The following EIF3F variants were observed in gnomAD, a reference collection of about 807,000 sequenced individuals.
EIF3F encodes eukaryotic translation initiation factor 3 subunit F, also known as deubiquitinating enzyme eIF3f.
Under a neutral mutation model 36.0 loss-of-function variants are expected in EIF3F, and 8 were observed. The observed-to-expected ratio is 0.22, with a 90% CI of 0.13 to 0.40. The LOEUF (loss-of-function observed/expected upper bound fraction) is 0.40, where lower values mean the gene tolerates loss of function less well. Ranked by LOEUF, EIF3F falls within the 10% of genes least tolerant of loss-of-function variation. EIF3F has a pLI of 1.00. For missense variants in EIF3F, 430 were observed against 467.6 expected (o/e 0.92, Z 0.74); for synonymous variants, 184 against 188.5 (o/e 0.98, Z 0.19).
chr11:7,993,179 GAAAC>G (rs1942117667), intron 4 of EIF3F, among the ~76,000 whole-genome samples, 155 bp downstream of exon 4: 1 of 152,018 alleles, frequency 6.6e-6, no homozygotes, highest in Admixed American at 6.6e-5. Flanking sequence ...GTTTCACTCT[GAAAC>G]AAAATCTGTT....
At position 8,001,532 on chromosome 11, in the gene EIF3F, A is replaced by G. The variant is rs912099821; in HGVS notation, c.*5510A>G. ...ACAAAGTATGATATATCCATAAAAC[A>G]CAATACTATGCAGCTGTTAAGCAGA... On this transcript the variant is annotated 3_prime_UTR_variant, in exon 8 of 8. Transcript: ENST00000651655. The G allele has an allele frequency of 3.3e-5, 5 of 152,234 alleles. No individual in the cohort carries two copies. The highest frequency in any genetic ancestry group is 7.3e-5 in the Non-Finnish European group (5 of 68,050). The allele number at this position is 152,234 out of a possible 1,614,324, so 9.4% of individuals were successfully genotyped here.
At chr11:7,991,987 G>T in intron 2 of EIF3F, 97 bp from the exon 3 acceptor site, 1 of 1,485,158 alleles carries the variant, frequency 6.7e-7, no homozygotes, top group Non-Finnish European at 9.4e-7. Context: ...TACTTCCTGG[G>T]CCTCTTCTGT....
chr11:8,000,363 C>T lies in EIF3F; in HGVS notation c.*4341C>T, dbSNP rs184041100. On this transcript the variant is annotated 3_prime_UTR_variant, in exon 8 of 8. Transcript: ENST00000651655. ...ATATGGAATCACAAAATTGAACTCA[C>T]AAGCAGAGTGTAGAAAGGTGGTTTC... The T allele has an allele frequency of 4.6e-5, 7 of 152,244 alleles. No individual in the cohort carries two copies. Among genetic ancestry groups the T allele is most frequent in the African/African-American group, 1.7e-4 (7 of 41,540 alleles). The allele number at this position is 152,244 out of a possible 1,614,324, so 9.4% of individuals were successfully genotyped here.
chr11:7,995,676 C>A, intron 7 of EIF3F: 1 of 583,158 alleles, frequency 1.7e-6, no homozygotes, highest in Admixed American at 3.1e-5. Context: ...ACTTATTTCC[C>A]CCATCTGAGT....
At chr11:7,993,899 A>G (rs927632288) in intron 4 of EIF3F, among the ~76,000 whole-genome samples, 1 of 152,122 alleles carries the variant, frequency 6.6e-6, no homozygotes, top group African/African-American at 2.4e-5. Context: ...ATATGTATAT[A>G]TATGTAGATA....
chr11:7,989,451 C>G (rs763117229), intron 1 of EIF3F, among the ~76,000 whole-genome samples: 3 of 152,176 alleles, frequency 2.0e-5, no homozygotes, highest in African/African-American at 4.8e-5. Context: ...GCAATACTTA[C>G]AGAAGAATAA....
chr11:7,996,311 G>T lies in EIF3F; in HGVS notation c.*289G>T. ...ACTGTTTTACCAAACTGTTCTTTTGGTTTTCAATATGGAAAGGTGTCCATT... is the reference window on the plus strand; with the variant it reads ...ACTGTTTTACCAAACTGTTCTTTTGTTTTTCAATATGGAAAGGTGTCCATT... On this transcript the variant is annotated 3_prime_UTR_variant, in exon 8 of 8. Transcript: ENST00000651655. 1 of 268,564 alleles carries T rather than the reference G, an allele frequency of 3.7e-6. No individual in the cohort carries two copies. The highest frequency in any genetic ancestry group is 7.0e-6 in the Non-Finnish European group (1 of 142,458). 16.6% of individuals were successfully genotyped at this position (268,564 alleles called of 1,614,324 possible). A position where few individuals can be genotyped will look rare whatever the true frequency, so the allele number is the denominator to read the frequency against.
chr11:7,991,898 T>G lies in EIF3F; in HGVS notation c.435+47T>G, dbSNP rs115511435. On this transcript the variant is annotated intron_variant, in intron 2 of 7. Coordinates refer to ENST00000651655, the MANE Select transcript of EIF3F (RefSeq NM_003754.3). ...CCCTCTGCAGTTTTTAGCTGTTCAT[T>G]TGCTCGGCTCCCCTCACGGTCCCTC... 4.4e-4 allele frequency: 712 copies of G among 1,606,772 alleles called. 2 individuals are homozygous for G. The African/African-American group carries it at 9.0e-3, about 20-fold the overall frequency.
At position 7,997,654 on chromosome 11, in the gene EIF3F, A is replaced by G. The variant is rs899901832; in HGVS notation, c.*1632A>G. ...AGTTGTCCTGCAGCTGTGAGTAACA[A>G]TATAGGTGAATGTTAATAATAATGT... On this transcript the variant is annotated 3_prime_UTR_variant, in exon 8 of 8. Transcript: ENST00000651655. The G allele has an allele frequency of 5.3e-5, 8 of 152,214 alleles. No individual in the cohort carries two copies. The highest frequency in any genetic ancestry group is 1.2e-4 in the African/African-American group (5 of 41,448). The allele number at this position is 152,214 out of a possible 1,614,324, so 9.4% of individuals were successfully genotyped here. A position where few individuals can be genotyped will look rare whatever the true frequency, so the allele number is the denominator to read the frequency against.
rs767455275 is a variant in EIF3F at position 7,995,973 on chromosome 11, A to G, written c.1025A>G (p.Asn342Ser). 7 of 1,613,752 alleles carry G rather than the reference A, an allele frequency of 4.3e-6. No individual in the cohort carries two copies. The highest frequency in any genetic ancestry group is 1.7e-5 in the Admixed American group (1 of 59,986). Residue 342 changes from asparagine (N) to serine (S), a missense_variant, in exon 8 of 8, where the codon AAC becomes AGC. Physicochemically the swap from Asn to Ser is conservative, Grantham distance 46. This residue lies in a region of EIF3F where 262 missense variants were observed against 347.4 expected (regional missense o/e 0.75). Transcript: ENST00000651655. ...NDLLMVTYLA[N>S]LTQSQIALNE... ...CTTTTGATGGTGACCTACCTGGCCA[A>G]CCTCACACAGTCACAGATTGCACTC...
rs760545005 is a variant in EIF3F, at chr11:7,994,463, A to T, written c.691A>T (p.Met231Leu). The T allele has an allele frequency of 2.5e-6, 4 of 1,614,072 alleles. No homozygotes were observed. The highest frequency in any genetic ancestry group is 3.4e-6 in the Non-Finnish European group (4 of 1,179,990). The change falls in exon 5 of 8, where the codon ATG (methionine) becomes TTG (leucine). Residue 231 changes from methionine (M) to leucine (L), a missense_variant. Transcript: ENST00000651655. ...MGVPGRTMGV[M>L]FTPLTVKYAY... ...AGTCCCTGGGAGGACCATGGGAGTG[A>T]TGTTCACGCCTCTGACAGTGAAATA...
At chr11:7,995,804 G>T in intron 7 of EIF3F, 141 bp from the exon 8 acceptor site, 2 of 722,430 alleles carry the variant, frequency 2.8e-6, no homozygotes, top group Admixed American at 2.1e-5. Context: ...CTACCTTTTT[G>T]ACTTTTATTC....
intron 1 of EIF3F, among the ~76,000 whole-genome samples, chr11:7,988,789 T>C (rs1942057542): frequency 6.6e-6 from 1 of 152,228 alleles, no homozygotes; most frequent in African/African-American, 2.4e-5. Context: ...ATCTGTTCTG[T>C]CAGGAGCTAC....
intron 3 of EIF3F, chr11:7,992,591 A>G (rs3892448): frequency 0.16 from 75,494 of 462,420 alleles, 7,215 homozygotes; most frequent in African/African-American, 0.3. Context: ...AAACAAAAGG[A>G]AAGTGTGTTA....
At chr11:7,994,708 AG>A (rs1168349576) in intron 5 of EIF3F, 191 bp downstream of exon 5, 1 of 692,992 alleles carries the variant, frequency 1.4e-6, no homozygotes, top group Non-Finnish European at 2.4e-6. Context: ...AAACTGTTAA[AG>A]GTGGGAAATG....
At position 7,997,383 on chromosome 11, in the gene EIF3F, A is replaced by G. The variant is rs1200944345; in HGVS notation, c.*1361A>G. The G allele has an allele frequency of 6.6e-6, 1 of 152,228 alleles. No individual in the cohort carries two copies. Among genetic ancestry groups the G allele is most frequent in the Non-Finnish European group, 1.5e-5 (1 of 68,042 alleles). 9.4% of individuals were successfully genotyped at this position (152,228 alleles called of 1,614,324 possible). A position where few individuals can be genotyped will look rare whatever the true frequency, so the allele number is the denominator to read the frequency against. On this transcript the variant is annotated 3_prime_UTR_variant, in exon 8 of 8. Coordinates refer to ENST00000651655, the MANE Select transcript of EIF3F (RefSeq NM_003754.3). Reference sequence around the variant, plus strand: ...TAAAATTCCGAGGTTAATTGCTAGAAGTATATATAATCTCTCAATGAATAG... The same window carrying G: ...TAAAATTCCGAGGTTAATTGCTAGAGGTATATATAATCTCTCAATGAATAG...
intron 7 of EIF3F, chr11:7,995,622 A>G: frequency 1.7e-6 from 1 of 583,602 alleles, no homozygotes; most frequent in East Asian, 2.8e-5. Context: ...TAAATTCGTG[A>G]TGGAAAGAAA....
In EIF3F at chr11:7,996,923, A is replaced by G. The variant is rs1312500085; in HGVS notation, c.*901A>G. 3 of 152,246 alleles carry G rather than the reference A, an allele frequency of 2.0e-5. No homozygotes were observed. Among genetic ancestry groups the G allele is most frequent in the African/African-American group, 7.2e-5 (3 of 41,468 alleles). The allele number at this position is 152,246 out of a possible 1,614,324, so 9.4% of individuals were successfully genotyped here. A position where few individuals can be genotyped will look rare whatever the true frequency, so the allele number is the denominator to read the frequency against. ...GAGTCATAAGATATGGATCATAAAC[A>G]TACATAGTCCATTAGGGTATTATGA... On this transcript the variant is annotated 3_prime_UTR_variant, in exon 8 of 8. Transcript: ENST00000651655.
rs1942200874 is a variant in EIF3F, at chr11:7,999,883, A to G, written c.*3861A>G. 1 of 152,268 alleles carries G rather than the reference A, an allele frequency of 6.6e-6. No individual in the cohort carries two copies. Among genetic ancestry groups the G allele is most frequent in the African/African-American group, 2.4e-5 (1 of 41,464 alleles). 9.4% of individuals were successfully genotyped at this position (152,268 alleles called of 1,614,324 possible). ...ACTGAAGCATTGTTCACAATCGCCA[A>G]GACATCAACCTAAGTGTCCATCAAC... is the stretch of plus-strand genomic sequence containing the variant. On this transcript the variant is annotated 3_prime_UTR_variant, in exon 8 of 8. Coordinates refer to ENST00000651655, the MANE Select transcript of EIF3F (RefSeq NM_003754.3).
Sources: gnomAD v4.1 joint callset for allele counts (sites outside exome capture counted in the v4.1 genomes callset) on GRCh38, gnomAD v4.1.1 for gene constraint, gnomAD v4.1.1 regional missense constraint, MANE v1.5 for transcripts, NCBI Gene and HGNC (gene_info 2026-07-23, HGNC 2026-07-21) for gene names.